AFF3: variants seen among roughly 807,000 people sequenced by gnomAD.
The protein encoded by AFF3 is AF4/FMR2 family member 3.
In AFF3, 32 loss-of-function variants were observed where a neutral mutation model predicts 129.7. The observed-to-expected ratio is 0.25, with a 90% CI of 0.19 to 0.33. The LOEUF (loss-of-function observed/expected upper bound fraction) is 0.33, where lower values mean the gene tolerates loss of function less well. Among genes scored for constraint, AFF3 ranks in the 10% least tolerant of loss-of-function variants. The pLI is 1.00. For synonymous variants in AFF3, 644 were observed against 635.4 expected, an observed-to-expected ratio of 1.01 and a Z score of -0.20; for missense variants, 1,373 against 1,592.0, an observed-to-expected ratio of 0.86 and a Z score of 2.34.
chr2:99,738,034 C>G (rs12712059), intron 10 of AFF3, among the ~76,000 whole-genome samples: 111,813 of 151,920 alleles, frequency 0.74, 41,997 homozygotes, highest in East Asian at 0.92. Context: ...TTCCAATCCT[C>G]TCTTTTATTT....
chr2:99,555,294 T>A (rs1395494511), intron 22 of AFF3, among the ~76,000 whole-genome samples: 1 of 152,240 alleles, frequency 6.6e-6, no homozygotes, highest in Non-Finnish European at 1.5e-5. Context: ...TACAATACTT[T>A]ATATTTAAAA....
intron 18 of AFF3, among the ~76,000 whole-genome samples, chr2:99,574,705 T>TA (rs34365515): frequency 6.6e-6 from 1 of 152,218 alleles, no homozygotes; most frequent in Middle Eastern, 3.2e-3. Context: ...TTTACTTTTT[T>TA]AAAAAAGCTG....
chr2:100,095,924 G>A (rs1690246140), intron 4 of AFF3, among the ~76,000 whole-genome samples: 1 of 152,198 alleles, frequency 6.6e-6, no homozygotes, highest in Admixed American at 6.5e-5. Context: ...GAGCGGGGAT[G>A]CAAGGTCCCC....
intron 11 of AFF3, among the ~76,000 whole-genome samples, chr2:99,723,453 G>C (rs1364043182): frequency 6.6e-6 from 1 of 152,184 alleles, no homozygotes; most frequent in East Asian, 1.9e-4. Context: ...CAGACAGAGG[G>C]ATGTATAGGC....
At chr2:99,822,015 AT>A (rs1412226286) in intron 8 of AFF3, among the ~76,000 whole-genome samples, 2 of 152,180 alleles carry the variant, frequency 1.3e-5, no homozygotes, top group African/African-American at 4.8e-5. Flanking sequence ...TCCTTCTTAC[AT>A]TTTGGAAATA....
At chr2:99,683,306 TTGTAGAAAA>T (rs1421101201) in intron 11 of AFF3, among the ~76,000 whole-genome samples, 4 of 152,240 alleles carry the variant, frequency 2.6e-5, no homozygotes, top group African/African-American at 9.6e-5. Context: ...CCTAGGAATG[TTGTAGAAAA>T]TGTAGAAAAC....
intron 22 of AFF3, among the ~76,000 whole-genome samples, chr2:99,557,368 C>T (rs575912440): frequency 6.6e-6 from 1 of 151,632 alleles, no homozygotes; most frequent in African/African-American, 2.4e-5. Context: ...CAACCTCTGC[C>T]TCCCGGGTTC....
chr2:99,957,133 G>A (rs762354544), intron 7 of AFF3, among the ~76,000 whole-genome samples: 45 of 150,334 alleles, frequency 3.0e-4, no homozygotes, highest in Admixed American at 1.2e-3. Context: ...TTCACAGGCT[G>A]TGTGTGGACA....
chr2:99,691,333 T>G (rs1304886919), intron 11 of AFF3, among the ~76,000 whole-genome samples: 2 of 152,216 alleles, frequency 1.3e-5, no homozygotes, highest in African/African-American at 4.8e-5. Context: ...CTGCTAAAAA[T>G]GCATGTTGCT....
In AFF3 at chr2:99,551,324, CAT is replaced by C. The variant is rs1674390272; in HGVS notation, c.*148_*149del. The C allele has an allele frequency of 8.8e-7, 1 of 1,140,036 alleles. No individual in the cohort carries two copies. Among genetic ancestry groups the C allele is most frequent in the African/African-American group, 1.6e-5 (1 of 64,310 alleles). The allele number at this position is 1,140,036 out of a possible 1,614,324, so 70.6% of individuals were successfully genotyped here. Reference sequence around the variant, plus strand: ...TTATATACCCACACATACAAACACACATGCCCTGCAAAAGATCATTGTTCAAT... The same window carrying C: ...TTATATACCCACACATACAAACACACGCCCTGCAAAAGATCATTGTTCAAT... On this transcript the variant is annotated 3_prime_UTR_variant, in exon 25 of 25. Coordinates refer to ENST00000672756, the MANE Select transcript of AFF3 (RefSeq NM_001386135.1).
At chr2:99,610,009 C>T (rs960263608) in intron 13 of AFF3, among the ~76,000 whole-genome samples, 1 of 152,202 alleles carries the variant, frequency 6.6e-6, no homozygotes, top group African/African-American at 2.4e-5. Flanking sequence ...GACCGATCGA[C>T]CTCGTGACAT....
At chr2:100,104,596 G>A (rs1691074820) in intron 3 of AFF3, 78 bp from the exon 4 acceptor site, 1 of 647,608 alleles carries the variant, frequency 1.5e-6, no homozygotes, top group East Asian at 1.5e-4. Flanking sequence ...CCACCCCCAG[G>A]TCGGGGCTCC....
chr2:100,060,753 C>T (rs138451082), intron 4 of AFF3, among the ~76,000 whole-genome samples: 25 of 152,256 alleles, frequency 1.6e-4, no homozygotes, highest in Non-Finnish European at 3.2e-4. Context: ...TTACTACGTA[C>T]ATCTGTCACA....
intron 7 of AFF3, among the ~76,000 whole-genome samples, chr2:99,853,808 A>G (rs113292482): frequency 1.4e-3 from 218 of 152,244 alleles, no homozygotes; most frequent in Non-Finnish European, 2.5e-3. Flanking sequence ...TGGGCAACAT[A>G]GCAAGATCCC....
At chr2:99,703,099 G>A (rs191178890) in intron 11 of AFF3, among the ~76,000 whole-genome samples, 11 of 152,302 alleles carry the variant, frequency 7.2e-5, no homozygotes, top group Admixed American at 1.3e-4. Context: ...TTACCATTCT[G>A]CAGGTGAGAA....
At chr2:99,836,777 T>C (rs1688908666) in intron 8 of AFF3, among the ~76,000 whole-genome samples, 1 of 152,154 alleles carries the variant, frequency 6.6e-6, no homozygotes, top group Non-Finnish European at 1.5e-5. Context: ...CCCAGTGTAG[T>C]ATCAGCTTTT....
intron 4 of AFF3, among the ~76,000 whole-genome samples, chr2:100,057,532 T>C (rs968432629): frequency 6.6e-6 from 1 of 152,124 alleles, no homozygotes; most frequent in African/African-American, 2.4e-5. Context: ...AGACCAATTA[T>C]CATTGCCAAT....
chr2:99,855,312 G>A (rs1249359082), intron 7 of AFF3, among the ~76,000 whole-genome samples: 1 of 152,174 alleles, frequency 6.6e-6, no homozygotes, highest in Non-Finnish European at 1.5e-5. Flanking sequence ...ATGGTATGAT[G>A]TGTGAGTTAT....
At chr2:100,061,787 T>C (rs1687290838) in intron 4 of AFF3, among the ~76,000 whole-genome samples, 1 of 150,794 alleles carries the variant, frequency 6.6e-6, no homozygotes, top group Non-Finnish European at 1.5e-5. Flanking sequence ...TTTGTTTTTC[T>C]TTGAGGGGGA....
Sources: gnomAD v4.1 joint callset for allele counts (sites outside exome capture counted in the v4.1 genomes callset) on GRCh38, gnomAD v4.1.1 for gene constraint, MANE v1.5 for transcripts, NCBI Gene and HGNC (gene_info 2026-07-23, HGNC 2026-07-21) for gene names.